Variants in NKAIN3 observed in about 807,000 individuals in gnomAD.
The protein encoded by NKAIN3 is sodium/potassium-transporting ATPase subunit beta-1-interacting protein 3.
In NKAIN3, 25 loss-of-function variants were observed where a neutral mutation model predicts 30.2. That is an observed-to-expected ratio of 0.83 (90% CI 0.60 to 1.16). The LOEUF (loss-of-function observed/expected upper bound fraction) is 1.16. Ranked by LOEUF, NKAIN3 falls within the 50% of genes most tolerant of loss-of-function variation. The pLI is 0.00. For missense variants in NKAIN3, 225 were observed against 254.1 expected (o/e 0.89, Z 0.78); for synonymous variants, 91 against 89.6 (o/e 1.02, Z -0.09).
chr8:62,495,472 AT>A (rs928631780), intron 1 of NKAIN3, among the ~76,000 whole-genome samples: 3 of 150,988 alleles, frequency 2.0e-5, no homozygotes, highest in South Asian at 2.1e-4. Flanking sequence ...TTATCAAGAA[AT>A]TTTTTTTGGT....
chr8:62,356,574 A>G (rs1425670120), intron 1 of NKAIN3, among the ~76,000 whole-genome samples: 3 of 152,168 alleles, frequency 2.0e-5, no homozygotes, highest in African/African-American at 7.2e-5. Context: ...ACCTTAGTAT[A>G]TCCTCGTCTT....
chr8:62,438,091 T>C (rs991255211), intron 1 of NKAIN3, among the ~76,000 whole-genome samples: 1 of 152,144 alleles, frequency 6.6e-6, no homozygotes, highest in African/African-American at 2.4e-5. Flanking sequence ...CCATGAGCAA[T>C]GCGCAGAGCG....
At chr8:62,716,802 C>T (rs1318822978) in intron 3 of NKAIN3, among the ~76,000 whole-genome samples, 2 of 151,742 alleles carry the variant, frequency 1.3e-5, no homozygotes, top group Admixed American at 1.3e-4. Context: ...AATTACCTCT[C>T]AAGAAATCCA....
rs755616390 is a variant in NKAIN3, at chr8:62,682,611, G to A, written c.274-64321G>A. ...TGCTGCTCGCCCACTGCCTGGAAAC[G>A]AACTAGATGCTTTTGAGGTGGAGGG... On this transcript the variant is annotated intron_variant, in intron 3 of 6. Coordinates refer to ENST00000623646, the MANE Select transcript of NKAIN3 (RefSeq NM_001304533.3). 1.5e-3 allele frequency among the ~76,000 whole-genome samples: 230 copies of A among 152,216 alleles called. 1 individual carries two copies. The highest frequency in any genetic ancestry group is 7.6e-4 in the Non-Finnish European group (52 of 68,018).
chr8:62,877,833 G>C (rs758745635), intron 4 of NKAIN3, among the ~76,000 whole-genome samples: 24 of 152,074 alleles, frequency 1.6e-4, no homozygotes, highest in Non-Finnish European at 2.6e-4. Context: ...CTGAGGTTCG[G>C]AGTTCAAGAC....
At chr8:62,690,558 G>A (rs1445296849) in intron 3 of NKAIN3, among the ~76,000 whole-genome samples, 1 of 152,188 alleles carries the variant, frequency 6.6e-6, no homozygotes, top group Non-Finnish European at 1.5e-5. Context: ...TAGCGCCTCC[G>A]TGGAAGTTTC....
chr8:62,919,226 AATTTTTTTTTTTTTTTTTTT>A (rs1472098442), intron 5 of NKAIN3, among the ~76,000 whole-genome samples: 1 of 88,444 alleles, frequency 1.1e-5, no homozygotes, highest in Non-Finnish European at 2.2e-5. Flanking sequence ...TTACTTTCAA[AATTTTTTTTTTTTTTTTTTT>A]TTTTTTTTTT....
intron 1 of NKAIN3, among the ~76,000 whole-genome samples, chr8:62,260,015 T>A (rs752189311): frequency 6.6e-6 from 1 of 152,172 alleles, no homozygotes; most frequent in Admixed American, 6.5e-5. Flanking sequence ...TTTTCTTTCA[T>A]TTTTTGCATA....
chr8:62,998,006 T>G (rs1804160696), intron 5 of NKAIN3, among the ~76,000 whole-genome samples: 1 of 152,188 alleles, frequency 6.6e-6, no homozygotes, highest in African/African-American at 2.4e-5. Flanking sequence ...GGTTGAATTA[T>G]TAAAATTGAG....
At chr8:62,632,182 G>C (rs1445112053) in intron 3 of NKAIN3, among the ~76,000 whole-genome samples, 1 of 152,058 alleles carries the variant, frequency 6.6e-6, no homozygotes, top group African/African-American at 2.4e-5. Context: ...CCATAAATAA[G>C]AGCAACCACT....
At position 62,965,903 on chromosome 8, in the gene NKAIN3, G is replaced by A; in HGVS notation, c.*496G>A. On this transcript the variant is annotated 3_prime_UTR_variant, in exon 7 of 7. Transcript: ENST00000623646. The stretch of plus-strand genomic sequence containing the variant: ...GGTACAAATAATGGATCCAGCTTTT[G>A]GATTGAATATGGGTCATTTTTTCAA... The A allele has an allele frequency of 1.0e-6, 1 of 985,318 alleles. No homozygotes were observed. Among genetic ancestry groups the A allele is most frequent in the Non-Finnish European group, 1.2e-6 (1 of 829,860 alleles). The allele number at this position is 985,318 out of a possible 1,614,324, so 61.0% of individuals were successfully genotyped here.
chr8:62,693,249 A>C (rs542968748), intron 3 of NKAIN3, among the ~76,000 whole-genome samples: 1 of 152,326 alleles, frequency 6.6e-6, no homozygotes, highest in Admixed American at 6.5e-5. Context: ...TGATATCTTG[A>C]TCAAGTCATA....
At chr8:62,870,054 GC>G (rs1820550634) in intron 4 of NKAIN3, among the ~76,000 whole-genome samples, 2 of 151,550 alleles carry the variant, frequency 1.3e-5, no homozygotes, top group South Asian at 4.2e-4. Flanking sequence ...ACAGGTGTGA[GC>G]CACCGCGCCC....
rs547283444 is a variant in NKAIN3, at chr8:62,623,634, C to A, written c.273+33840C>A. Among the ~76,000 whole-genome samples, 3 of 152,140 alleles carry A rather than the reference C, an allele frequency of 2.0e-5. No homozygotes were observed. In the East Asian group the frequency reaches 5.8e-4, roughly 29 times the overall value. ...ATTTCTGGCTTAAATGATTTTCCTT[C>A]TTTCTAAAGAACTACTTGAAAGGCA... On this transcript the variant is annotated intron_variant, in intron 3 of 6. Transcript: ENST00000623646.
rs1248415040 is a variant in NKAIN3 at position 62,857,017 on chromosome 8, G to A, written c.472-61436G>A. 13 of 517,474 alleles carry A rather than the reference G, an allele frequency of 2.5e-5. 1 individual carries two copies. Among genetic ancestry groups the A allele is most frequent in the Non-Finnish European group, 3.1e-5 (8 of 261,840 alleles). 32.1% of individuals were successfully genotyped at this position (517,474 alleles called of 1,614,324 possible). On this transcript the variant is annotated intron_variant, in intron 4 of 6. Coordinates refer to ENST00000623646, the MANE Select transcript of NKAIN3 (RefSeq NM_001304533.3). ...ACTTATAGTCTCCACTTGCTTCAAG[G>A]TTCTCTTCTTGTTCTTCTTTGCTTC...
intron 1 of NKAIN3, among the ~76,000 whole-genome samples, chr8:62,506,101 A>T (rs1807625894): frequency 6.6e-6 from 1 of 150,978 alleles, no homozygotes; most frequent in African/African-American, 2.4e-5. Flanking sequence ...GACTCATGTG[A>T]TTATATTGGA....
intron 1 of NKAIN3, among the ~76,000 whole-genome samples, chr8:62,268,126 G>T (rs1053168400): frequency 6.6e-6 from 1 of 152,174 alleles, no homozygotes; most frequent in Non-Finnish European, 1.5e-5. Context: ...TTCAACAGTG[G>T]TAGGGCTCCC....
intron 3 of NKAIN3, among the ~76,000 whole-genome samples, chr8:62,680,995 C>T (rs924983456): frequency 6.6e-6 from 1 of 152,148 alleles, no homozygotes; most frequent in Non-Finnish European, 1.5e-5. Context: ...TGAACATAAA[C>T]TTTTGTAATA....
At chr8:62,877,403 A>G (rs556490017) in intron 4 of NKAIN3, among the ~76,000 whole-genome samples, 2 of 152,342 alleles carry the variant, frequency 1.3e-5, no homozygotes, top group Admixed American at 1.3e-4. Context: ...GGTCAGCTGT[A>G]GAGTTGAGGG....
Sources: gnomAD v4.1 joint callset for allele counts (sites outside exome capture counted in the v4.1 genomes callset) on GRCh38, gnomAD v4.1.1 for gene constraint, MANE v1.5 for transcripts, NCBI Gene and HGNC (gene_info 2026-07-23, HGNC 2026-07-21) for gene names.